NGF: variants seen among roughly 807,000 people sequenced by gnomAD.
The protein encoded by NGF is nerve growth factor, also known as beta-nerve growth factor.
NGF carries 4 observed loss-of-function variants against 12.8 expected under a neutral mutation model. The ratio of observed to expected loss-of-function variants is 0.31; its 90% CI spans 0.15 to 0.72. The LOEUF is 0.72. NGF is among the 30% of genes least tolerant of loss of function. The probability of loss-of-function intolerance (pLI) is 0.69; values close to 1 mark genes in which losing one functional copy is unlikely to be tolerated. For synonymous variants in NGF, 140 were observed against 130.0 expected (o/e 1.08, Z -0.52); for missense variants, 283 against 330.8 (o/e 0.86, Z 1.12).
At chr1:115,330,808 T>C (rs1654900444) in intron 1 of NGF, among the ~76,000 whole-genome samples, 1 of 152,166 alleles carries the variant, frequency 6.6e-6, no homozygotes, top group Admixed American at 6.5e-5. Context: ...ATTTACGAAT[T>C]TTTTTTATTC....
intron 1 of NGF, among the ~76,000 whole-genome samples, chr1:115,303,346 T>C (rs564171017): frequency 4.6e-5 from 7 of 152,270 alleles, no homozygotes; most frequent in Admixed American, 1.3e-4. Context: ...TTTAGATCCA[T>C]AGAGCATGGC....
chr1:115,324,286 G>T (rs17033680), intron 1 of NGF, among the ~76,000 whole-genome samples: 1 of 152,076 alleles, frequency 6.6e-6, no homozygotes, highest in African/African-American at 2.4e-5. Context: ...ATGTGGTACC[G>T]GCTCTATATG....
At chr1:115,336,844 T>G (rs1169870957) in intron 1 of NGF, among the ~76,000 whole-genome samples, 1 of 152,204 alleles carries the variant, frequency 6.6e-6, no homozygotes, top group Non-Finnish European at 1.5e-5. Flanking sequence ...ATTTCTGCAT[T>G]TGCAGAGTGC....
intron 1 of NGF, among the ~76,000 whole-genome samples, chr1:115,302,260 C>T (rs920124735): frequency 6.6e-6 from 1 of 152,226 alleles, no homozygotes; most frequent in African/African-American, 2.4e-5. Flanking sequence ...GAGTGCCACA[C>T]TGGTGGGCTG....
chr1:115,296,629 T>G (rs1463455535), intron 1 of NGF, among the ~76,000 whole-genome samples: 1 of 152,206 alleles, frequency 6.6e-6, no homozygotes, highest in Non-Finnish European at 1.5e-5. Flanking sequence ...TTGCTATATT[T>G]GAAACTCTGT....
chr1:115,290,202 T>C (rs2101022760), intron 2 of NGF, among the ~76,000 whole-genome samples: 1 of 152,164 alleles, frequency 6.6e-6, no homozygotes, highest in South Asian at 2.1e-4. Flanking sequence ...CAGTTCCTGC[T>C]TGAGCTTCCC....
chr1:115,316,916 G>A (rs1477363308), intron 1 of NGF, among the ~76,000 whole-genome samples: 1 of 152,172 alleles, frequency 6.6e-6, no homozygotes, highest in East Asian at 1.9e-4. Context: ...GATATGCCAT[G>A]CTGCTTTTTA....
At position 115,299,684 on chromosome 1, in the gene NGF, A is replaced by G. The variant is rs938817681; in HGVS notation, c.-136-5934T>C. 2.0e-5 allele frequency among the ~76,000 whole-genome samples: 3 copies of G among 152,348 alleles called. No individual in the cohort carries two copies. The East Asian group carries it at 5.8e-4, about 29-fold the overall frequency. ...TATAGCCCCTCAGCTTAGTAATACTAGTAATACATCTATAATCTACATTTG... is the reference window on the plus strand; with the variant it reads ...TATAGCCCCTCAGCTTAGTAATACTGGTAATACATCTATAATCTACATTTG... On this transcript the variant is annotated intron_variant, in intron 1 of 2. Coordinates refer to ENST00000369512, the MANE Select transcript of NGF (RefSeq NM_002506.3).
intron 1 of NGF, among the ~76,000 whole-genome samples, chr1:115,294,163 A>G (rs1416097341): frequency 6.6e-6 from 1 of 152,238 alleles, no homozygotes; most frequent in Non-Finnish European, 1.5e-5. Flanking sequence ...ATACAGACGC[A>G]AAATCCCTGA....
intron 1 of NGF, among the ~76,000 whole-genome samples, chr1:115,333,701 CTTTCTTTCTTTCT>C (rs769649284): frequency 0.18 from 15,959 of 88,828 alleles, 1,434 homozygotes; most frequent in African/African-American, 0.36. Context: ...TTCTTTCTTT[CTTTCTTTCTTTCT>C]TTTCTTTCTT....
At chr1:115,333,710 T>C (rs376683436) in intron 1 of NGF, among the ~76,000 whole-genome samples, 42 of 52,394 alleles carry the variant, frequency 8.0e-4, no homozygotes, top group African/African-American at 2.1e-3. Context: ...TCTTTCTTTC[T>C]TTCTTTTCTT....
chr1:115,327,756 GC>G (rs1654815547), intron 1 of NGF, among the ~76,000 whole-genome samples: 1 of 152,176 alleles, frequency 6.6e-6, no homozygotes. Context: ...ACATCTCTCT[GC>G]TGGCTTGTTT....
intron 1 of NGF, among the ~76,000 whole-genome samples, chr1:115,293,992 A>T (rs1278405303): frequency 1.3e-5 from 2 of 152,208 alleles, no homozygotes; most frequent in Non-Finnish European, 2.9e-5. Context: ...TTCAGCCTGG[A>T]CACAGTCCAT....
intron 1 of NGF, among the ~76,000 whole-genome samples, chr1:115,317,326 A>G (rs549412951): frequency 9.2e-5 from 14 of 152,296 alleles, no homozygotes; most frequent in Admixed American, 2.0e-4. Context: ...CCAGAAGCCA[A>G]TGGAAAGTTA....
intron 1 of NGF, among the ~76,000 whole-genome samples, chr1:115,309,384 C>T (rs1011356757): frequency 5.3e-5 from 8 of 151,960 alleles, no homozygotes; most frequent in Non-Finnish European, 1.2e-4. Context: ...TTCTTTATAC[C>T]GTTCTATATT....
intron 1 of NGF, among the ~76,000 whole-genome samples, chr1:115,300,880 G>C (rs1013911126): frequency 2.0e-5 from 3 of 152,182 alleles, no homozygotes; most frequent in African/African-American, 4.8e-5. Flanking sequence ...CTATTATGCA[G>C]TAACACATAT....
chr1:115,303,633 T>G (rs1282893376), intron 1 of NGF, among the ~76,000 whole-genome samples: 5 of 152,064 alleles, frequency 3.3e-5, no homozygotes, highest in African/African-American at 4.8e-5. Flanking sequence ...TCCAACATAT[T>G]GCCATGATTA....
intron 1 of NGF, among the ~76,000 whole-genome samples, chr1:115,310,205 TG>T (rs1258317642): frequency 6.6e-6 from 1 of 152,226 alleles, no homozygotes; most frequent in African/African-American, 2.4e-5. Flanking sequence ...CACATGTATG[TG>T]GGAACCAGGC....
chr1:115,314,428 A>G (rs1415080651), intron 1 of NGF, among the ~76,000 whole-genome samples: 2 of 152,218 alleles, frequency 1.3e-5, no homozygotes, highest in Non-Finnish European at 2.9e-5. Flanking sequence ...AAACATTGGG[A>G]CTATCTCTCA....
Sources: gnomAD v4.1 joint callset for allele counts (sites outside exome capture counted in the v4.1 genomes callset) on GRCh38, gnomAD v4.1.1 for gene constraint, MANE v1.5 for transcripts, NCBI Gene and HGNC (gene_info 2026-07-23, HGNC 2026-07-21) for gene names.